VSIG8: variants seen among roughly 807,000 people sequenced by gnomAD.
VSIG8 encodes V-set and immunoglobulin domain containing 8.
VSIG8 carries 32 observed loss-of-function variants against 42.6 expected under a neutral mutation model. That is an observed-to-expected ratio of 0.75 (90% CI 0.57 to 1.01). The LOEUF (loss-of-function observed/expected upper bound fraction) is 1.01. VSIG8 is among the 50% of genes least tolerant of loss of function. The pLI is 0.00. For synonymous variants in VSIG8, 290 were observed against 243.8 expected (o/e 1.19, Z -1.77); for missense variants, 529 against 558.0 (o/e 0.95, Z 0.52).
chr1:159,861,539 G>C (rs1649024533), intron 1 of VSIG8: 1 of 152,148 alleles, frequency 6.6e-6, no homozygotes, highest in African/African-American at 2.4e-5. Context: ...AGACAGAGAA[G>C]GGCTGCAGCT....
At chr1:159,858,488 A>T (rs1648917713) in intron 2 of VSIG8, among the ~76,000 whole-genome samples, 197 bp from the exon 3 acceptor site, 1 of 152,220 alleles carries the variant, frequency 6.6e-6, no homozygotes, top group Non-Finnish European at 1.5e-5. Flanking sequence ...GGAAAGATAT[A>T]TGGTCAGACT....
intron 1 of VSIG8, 35 bp from the exon 2 acceptor site, chr1:159,858,947 G>A (rs1335758242): frequency 3.1e-6 from 5 of 1,597,734 alleles, no homozygotes; most frequent in East Asian, 2.2e-5. Context: ...GGTGGTAGGA[G>A]CAGAAGCAGG....
At chr1:159,858,356 C>T in intron 2 of VSIG8, 65 bp from the exon 3 acceptor site, 1 of 1,545,004 alleles carries the variant, frequency 6.5e-7, no homozygotes, top group South Asian at 1.1e-5. Flanking sequence ...TGTGGATTGG[C>T]TGCTTTGGGC....
rs1384524011 is a variant in VSIG8 at position 159,858,870 on chromosome 1, A to T, written c.92T>A (p.Val31Asp). ...ATTATCACCTTCTGCCAGGTACAGG[A>T]CCTCCTGTCCATCCCCGTTGATCCG... ...AVRINGDGQE[V>D]LYLAEGDNVR... Residue 31 changes from valine to aspartate, a missense_variant, in exon 2 of 7, where the codon GTC (valine) becomes GAC (aspartate). Physicochemically the swap from Val to Asp is radical, Grantham distance 152. Coordinates refer to ENST00000368100, the MANE Select transcript of VSIG8 (RefSeq NM_001013661.1). 6.2e-7 allele frequency: 1 copy of T among 1,613,444 alleles called. No homozygotes were observed. Among genetic ancestry groups the T allele is most frequent in the South Asian group, 1.1e-5 (1 of 91,040 alleles).
chr1:159,856,791 T>A (rs2101828569), intron 4 of VSIG8, 148 bp from the exon 5 acceptor site: 128 of 787,196 alleles, frequency 1.6e-4, no homozygotes, highest in Non-Finnish European at 2.1e-4. Context: ...ACACACACAC[T>A]CCACTCTCCA....
At chr1:159,862,410 G>T in intron 1 of VSIG8, 63 bp downstream of exon 1, 1 of 1,534,524 alleles carries the variant, frequency 6.5e-7, no homozygotes, top group Non-Finnish European at 8.8e-7. Context: ...GTGAGCCCTT[G>T]CTGCCCCTTT....
chr1:159,855,703 AG>A (rs748417090), intron 6 of VSIG8, 179 bp downstream of exon 6: 1 of 934,792 alleles, frequency 1.1e-6, no homozygotes, highest in Non-Finnish European at 1.3e-6. Flanking sequence ...CTGGGGTGGC[AG>A]GGGGAGGGGA....
chr1:159,856,783 A>C, intron 4 of VSIG8, 140 bp from the exon 5 acceptor site: 1 of 1,073,688 alleles, frequency 9.3e-7, no homozygotes. Flanking sequence ...ACACACACAC[A>C]CACACACTCC....
At chr1:159,859,711 G>A (rs1223612871) in intron 1 of VSIG8, among the ~76,000 whole-genome samples, 1 of 152,174 alleles carries the variant, frequency 6.6e-6, no homozygotes, top group African/African-American at 2.4e-5. Context: ...GTATCTGTAG[G>A]ACATTGTGAG....
At chr1:159,860,401 C>T (rs1648982343) in intron 1 of VSIG8, among the ~76,000 whole-genome samples, 1 of 152,242 alleles carries the variant, frequency 6.6e-6, no homozygotes, top group Non-Finnish European at 1.5e-5. Flanking sequence ...CATATAGTCC[C>T]TGTATGTGTT....
intron 1 of VSIG8, among the ~76,000 whole-genome samples, chr1:159,860,145 T>A (rs992304925): frequency 1.3e-5 from 2 of 152,170 alleles, no homozygotes; most frequent in Non-Finnish European, 2.9e-5. Context: ...ATCATTCTGT[T>A]CTATCATGTG....
Position 159,855,935 on chromosome 1 carries a change from T to G in VSIG8, c.919A>C (p.Asn307His). 1 of 1,571,122 alleles carries G rather than the reference T, an allele frequency of 6.4e-7. No individual in the cohort carries two copies. Among genetic ancestry groups the G allele is most frequent in the South Asian group, 1.2e-5 (1 of 86,664 alleles). Residue 307 changes from asparagine to histidine, a missense_variant, in exon 6 of 7, where the codon AAC becomes CAC. Transcript: ENST00000368100. ...GCCCCTCCGCCGACCCCGCCGCCGT[T>G]GCCGTAGCCGAAGGCACCGCGGGCG... ...GGARGAFGYGNGGGVGGGACG... is the reference protein window; with the variant it reads ...GGARGAFGYGHGGGVGGGACG...
Position 159,855,964 on chromosome 1 carries a change from C to G in VSIG8, c.890G>C (p.Gly297Ala). Residue 297 changes from glycine (G) to alanine (A), a missense_variant, in exon 6 of 7, where the codon GGC (glycine) becomes GCC (alanine). By Grantham distance (60) the Gly-to-Ala change is moderately conservative. Transcript: ENST00000368100. ...VCCCCGGSGA[G>A]GARGAFGYGN... The stretch of plus-strand genomic sequence containing the variant: ...GTAGCCGAAGGCACCGCGGGCGCCG[C>G]CAGCCCCGGAGCCCCCGCAGCAGCA... 6.3e-7 allele frequency: 1 copy of G among 1,588,752 alleles called. No homozygotes were observed. Among genetic ancestry groups the G allele is most frequent in the Middle Eastern group, 1.7e-4 (1 of 5,962 alleles).
chr1:159,860,633 A>G (rs1006144275), intron 1 of VSIG8: 1 of 152,280 alleles, frequency 6.6e-6, no homozygotes, highest in African/African-American at 2.4e-5. Context: ...GGACCTAGTG[A>G]TGCCTCTTCC....
At chr1:159,855,848 C>A (rs1648800361) in intron 6 of VSIG8, 35 bp downstream of exon 6, 1 of 1,517,006 alleles carries the variant, frequency 6.6e-7, no homozygotes, top group Non-Finnish European at 8.8e-7. Context: ...CGGTTCCCTG[C>A]CGCACAGCAG....
At chr1:159,862,217 T>G in intron 1 of VSIG8, 1 of 421,338 alleles carries the variant, frequency 2.4e-6, no homozygotes, top group Non-Finnish European at 4.2e-6. Context: ...TGCACACATG[T>G]GTGAGCCCGA....
intron 6 of VSIG8, chr1:159,855,593 G>GA (rs1265317037): frequency 1.0e-6 from 1 of 985,132 alleles, no homozygotes; most frequent in East Asian, 1.1e-4. Flanking sequence ...GGGGAAACGT[G>GA]AAAAAACATA....
intron 1 of VSIG8, 112 bp downstream of exon 1, chr1:159,862,361 G>T: frequency 8.3e-7 from 1 of 1,199,840 alleles, no homozygotes; most frequent in Non-Finnish European, 1.2e-6. Context: ...AGGGTGGGCA[G>T]CACCCTGCCA....
At chr1:159,859,901 T>C (rs558148523) in intron 1 of VSIG8, among the ~76,000 whole-genome samples, 1 of 151,888 alleles carries the variant, frequency 6.6e-6, no homozygotes, top group Non-Finnish European at 1.5e-5. Flanking sequence ...AGGACTGAGC[T>C]CTTGTCCCTC....
Sources: gnomAD v4.1 joint callset for allele counts (sites outside exome capture counted in the v4.1 genomes callset) on GRCh38, gnomAD v4.1.1 for gene constraint, MANE v1.5 for transcripts, NCBI Gene and HGNC (gene_info 2026-07-23, HGNC 2026-07-21) for gene names.